The following CAST variants were observed in gnomAD, a reference collection of about 807,000 sequenced individuals.
CAST encodes MIR583 host.
In CAST, 76 loss-of-function variants were observed where a neutral mutation model predicts 119.6. The observed-to-expected ratio is 0.64, with a 90% CI of 0.53 to 0.77. The LOEUF is 0.77. Among genes scored for constraint, CAST ranks in the 30% least tolerant of loss-of-function variants. The pLI, the probability that CAST is intolerant of heterozygous loss-of-function variation, is 0.00. For missense variants in CAST, 953 were observed against 946.5 expected, an observed-to-expected ratio of 1.01 and a Z score of -0.09; for synonymous variants, 319 against 331.6, an observed-to-expected ratio of 0.96 and a Z score of 0.41.
intron 1 of CAST, among the ~76,000 whole-genome samples, 178 bp downstream of exon 1, chr5:96,662,675 C>G (rs1208432876): frequency 1.3e-5 from 2 of 152,210 alleles, no homozygotes; most frequent in Admixed American, 1.3e-4. Flanking sequence ...CAGGTGGCTT[C>G]GGTTCCCCGG....
chr5:96,416,041 T>G, the CAST span: 3 of 1,605,968 alleles, frequency 1.9e-6, no homozygotes, highest in Non-Finnish European at 8.5e-7. Context: ...ACCTCCAACT[T>G]TGGAATTGTA....
At chr5:96,431,621 A>G in the CAST span, among the ~76,000 whole-genome samples, 1 of 152,168 alleles carries the variant, frequency 6.6e-6, no homozygotes, top group Non-Finnish European at 1.5e-5. Context: ...CTGCTGGGAC[A>G]CCAGGAAGCC....
intron 25 of CAST, among the ~76,000 whole-genome samples, chr5:96,764,035 A>C (rs920094576): frequency 6.6e-6 from 1 of 152,186 alleles, no homozygotes; most frequent in African/African-American, 2.4e-5. Flanking sequence ...GTGTATGTGA[A>C]AACATTTTGA....
At chr5:96,079,972 G>A in the CAST span, among the ~76,000 whole-genome samples, 11 of 152,126 alleles carry the variant, frequency 7.2e-5, no homozygotes, top group East Asian at 5.8e-4. Flanking sequence ...ATACATATTC[G>A]TGCATTTGTG....
chr5:96,363,961 C>T, the CAST span, among the ~76,000 whole-genome samples: 16 of 152,206 alleles, frequency 1.1e-4, no homozygotes, highest in Non-Finnish European at 2.1e-4. Flanking sequence ...ATGATATTGG[C>T]TGTGGGTTTG....
the CAST span, among the ~76,000 whole-genome samples, chr5:96,062,879 CCAG>C: frequency 5.3e-5 from 8 of 152,042 alleles, no homozygotes; most frequent in African/African-American, 1.9e-4. Flanking sequence ...GCTGCCTTGA[CCAG>C]CAGAGACACT....
At chr5:96,006,226 GA>G in the CAST span, among the ~76,000 whole-genome samples, 2 of 152,118 alleles carry the variant, frequency 1.3e-5, no homozygotes, top group African/African-American at 4.8e-5. Flanking sequence ...GGTGGTCAAT[GA>G]AAATATCTGG....
the CAST span, among the ~76,000 whole-genome samples, chr5:96,467,322 C>G: frequency 3.3e-5 from 5 of 151,870 alleles, no homozygotes; most frequent in Non-Finnish European, 7.4e-5. Flanking sequence ...ATGCAATATT[C>G]TTTGTTATTG....
At chr5:96,160,211 T>C in the CAST span, among the ~76,000 whole-genome samples, 2 of 152,000 alleles carry the variant, frequency 1.3e-5, no homozygotes, top group Admixed American at 6.6e-5. Flanking sequence ...ACTATATAAT[T>C]TTGGAACATC....
chr5:96,070,649 T>C, the CAST span, among the ~76,000 whole-genome samples: 1 of 136,996 alleles, frequency 7.3e-6, no homozygotes, highest in Non-Finnish European at 1.6e-5. Context: ...AAAGACAAAA[T>C]TGAGTTTTTG....
intron 1 of CAST, among the ~76,000 whole-genome samples, chr5:96,605,161 A>G (rs1747229653): frequency 1.3e-5 from 2 of 152,226 alleles, no homozygotes; most frequent in Admixed American, 1.3e-4. Flanking sequence ...TAGGTTTCCA[A>G]CACATTGTGT....
chr5:96,399,894 CAT>C, the CAST span: 1 of 1,326,888 alleles, frequency 7.5e-7, no homozygotes, highest in Non-Finnish European at 1.1e-6. Flanking sequence ...GAATGGCAAA[CAT>C]AGTAATGAAA....
chr5:96,116,980 A>T, the CAST span, among the ~76,000 whole-genome samples: 1 of 152,160 alleles, frequency 6.6e-6, no homozygotes, highest in Non-Finnish European at 1.5e-5. Flanking sequence ...TGAACTTTGT[A>T]TGCTTGGCGG....
chr5:96,105,196 C>G, the CAST span, among the ~76,000 whole-genome samples: 1 of 151,422 alleles, frequency 6.6e-6, no homozygotes, highest in Non-Finnish European at 1.5e-5. Context: ...GACAATTTGA[C>G]TTCCTCTTTT....
intron 18 of CAST, among the ~76,000 whole-genome samples, chr5:96,747,971 C>A (rs762832203): frequency 6.6e-6 from 1 of 152,170 alleles, no homozygotes; most frequent in Non-Finnish European, 1.5e-5. Flanking sequence ...CTCAGGCTGT[C>A]TGGTCTGAGT....
the CAST span, among the ~76,000 whole-genome samples, chr5:96,290,046 G>T: frequency 2.0e-5 from 3 of 152,018 alleles, no homozygotes; most frequent in African/African-American, 7.3e-5. Flanking sequence ...TCTACTTCAA[G>T]CATTGGTTTA....
the CAST span, among the ~76,000 whole-genome samples, chr5:96,207,065 T>G: frequency 6.6e-6 from 1 of 152,128 alleles, no homozygotes. Flanking sequence ...TTGTGGCTAT[T>G]GTGAATAGGA....
the CAST span, among the ~76,000 whole-genome samples, chr5:96,379,092 A>G: frequency 6.6e-6 from 1 of 152,102 alleles, no homozygotes; most frequent in Admixed American, 6.6e-5. Flanking sequence ...TCCTTAGGAT[A>G]TTTTCTCAGA....
At chr5:96,641,354 A>C (rs946007947) in intron 1 of CAST, among the ~76,000 whole-genome samples, 3 of 152,106 alleles carry the variant, frequency 2.0e-5, no homozygotes, top group African/African-American at 7.2e-5. Context: ...GGCTATGGAA[A>C]CTTTCCAGCC....
Sources: allele counts gnomAD v4.1 joint callset (sites outside exome capture counted in the v4.1 genomes callset), GRCh38; gene constraint gnomAD v4.1.1; transcripts MANE v1.5; gene names NCBI Gene and HGNC (gene_info 2026-07-23, HGNC 2026-07-21).